CCNY: variants seen among roughly 807,000 people sequenced by gnomAD.
The protein encoded by CCNY is cyclin-Y.
Under a neutral mutation model 42.8 loss-of-function variants are expected in CCNY, and 19 were observed. That is an observed-to-expected ratio of 0.44 (90% CI 0.31 to 0.65). The LOEUF is 0.65. CCNY is among the 30% of genes least tolerant of loss of function. The pLI is 0.07. For synonymous variants in CCNY, 165 were observed against 162.7 expected, an observed-to-expected ratio of 1.01 and a Z score of -0.11; for missense variants, 370 against 437.3, an observed-to-expected ratio of 0.85 and a Z score of 1.37.
chr10:35,478,444 T>C (rs1232292405), intron 1 of CCNY, among the ~76,000 whole-genome samples: 9 of 149,232 alleles, frequency 6.0e-5, no homozygotes, highest in Non-Finnish European at 1.2e-4. Flanking sequence ...AACAGAGATA[T>C]AGATCAATGG....
intron 3 of CCNY, among the ~76,000 whole-genome samples, chr10:35,265,530 G>A (rs192834309): frequency 6.6e-6 from 1 of 152,322 alleles, no homozygotes; most frequent in East Asian, 1.9e-4. Context: ...GAGGCCTCTT[G>A]CCTGCAGTGA....
At chr10:35,400,920 C>T (rs1009933275) in intron 1 of CCNY, among the ~76,000 whole-genome samples, 4 of 152,160 alleles carry the variant, frequency 2.6e-5, no homozygotes, top group African/African-American at 9.7e-5. Context: ...GAACTATTAT[C>T]TTAATGCGCA....
rs557790561 is a variant in CCNY at position 35,393,190 on chromosome 10, C to T, written c.154+55983C>T. ...AAGTCTTCCTCACCATTTTAATAAG[C>T]GTCAGAGTAATTTTTTCTTTTACAC... On this transcript the variant is annotated intron_variant, in intron 1 of 9. Coordinates refer to ENST00000374704, the MANE Select transcript of CCNY (RefSeq NM_145012.6). Among the ~76,000 whole-genome samples, 25 of 152,264 alleles carry T rather than the reference C, an allele frequency of 1.6e-4. No homozygotes were observed. In the South Asian group the frequency reaches 4.6e-3, roughly 28 times the overall value.
chr10:35,547,677 C>G (rs879759354), intron 7 of CCNY, among the ~76,000 whole-genome samples: 9 of 152,188 alleles, frequency 5.9e-5, no homozygotes, highest in Non-Finnish European at 1.2e-4. Flanking sequence ...CCTTTCATAG[C>G]TCTTTCAAGA....
chr10:35,418,138 A>G (rs529894006), intron 1 of CCNY, among the ~76,000 whole-genome samples: 1 of 152,378 alleles, frequency 6.6e-6, no homozygotes, highest in East Asian at 1.9e-4. Context: ...GAGAGTTTAT[A>G]TAACAGAACT....
chr10:35,321,260 T>C (rs147976765), intron 3 of CCNY, among the ~76,000 whole-genome samples: 652 of 152,142 alleles, frequency 4.3e-3, no homozygotes, highest in Non-Finnish European at 7.1e-3. Context: ...CTGAATGTTA[T>C]GCTGAAAATT....
At chr10:35,488,297 G>A (rs1175284288) in intron 2 of CCNY, among the ~76,000 whole-genome samples, 2 of 152,202 alleles carry the variant, frequency 1.3e-5, no homozygotes, top group African/African-American at 4.8e-5. Context: ...CATTGGGGTC[G>A]TGTTTTGGTT....
chr10:35,503,321 T>G (rs979486309), intron 3 of CCNY, among the ~76,000 whole-genome samples: 6 of 152,198 alleles, frequency 3.9e-5, no homozygotes, highest in African/African-American at 1.4e-4. Flanking sequence ...TCTCTGCAAA[T>G]GCACCTGTTC....
Position 35,267,610 on chromosome 10 carries a change from T to C in CCNY, c.-9+16984T>C, listed in dbSNP as rs142460001. 3.5e-3 allele frequency among the ~76,000 whole-genome samples: 539 copies of C among 152,230 alleles called. 3 individuals are homozygous for C. Among genetic ancestry groups the C allele is most frequent in the Non-Finnish European group, 4.9e-3 (335 of 68,022 alleles). Reference sequence around the variant, plus strand: ...CAGAGGAGAGGTTCTGACAATGATATAGATGTAAAAGGAAGACGATGGGGC... The same window carrying C: ...CAGAGGAGAGGTTCTGACAATGATACAGATGTAAAAGGAAGACGATGGGGC... On this transcript the variant is annotated intron_variant, in intron 3 of 11. Coordinates refer to the CCNY transcript ENST00000374706.
At chr10:35,444,248 G>GC (rs1838740297) in intron 1 of CCNY, among the ~76,000 whole-genome samples, 1 of 145,676 alleles carries the variant, frequency 6.9e-6, no homozygotes, top group Non-Finnish European at 1.5e-5. Flanking sequence ...CTGTTTTTTG[G>GC]CTTTTTTTTT....
intron 8 of CCNY, among the ~76,000 whole-genome samples, chr10:35,560,012 G>A (rs1402689243): frequency 6.9e-6 from 1 of 145,810 alleles, no homozygotes; most frequent in Non-Finnish European, 1.5e-5. Flanking sequence ...GGAAGGAAAG[G>A]GGATGCCTGT....
intron 1 of CCNY, among the ~76,000 whole-genome samples, chr10:35,373,357 A>T (rs895053354): frequency 2.0e-5 from 3 of 152,196 alleles, no homozygotes; most frequent in Admixed American, 2.0e-4. Flanking sequence ...GCTGTCAGCA[A>T]TGGATTCCTT....
At chr10:35,496,616 T>G (rs1209293601) in intron 2 of CCNY, among the ~76,000 whole-genome samples, 1 of 152,118 alleles carries the variant, frequency 6.6e-6, no homozygotes, top group Non-Finnish European at 1.5e-5. Context: ...GAGGATTGCT[T>G]GAGCTCAGGA....
chr10:35,437,692 C>T (rs1589121323), intron 1 of CCNY, among the ~76,000 whole-genome samples: 1 of 151,966 alleles, frequency 6.6e-6, no homozygotes, highest in Non-Finnish European at 1.5e-5. Context: ...CCACCACCAC[C>T]TTTTCGATGA....
At chr10:35,294,081 C>A (rs1031039675) in intron 3 of CCNY, among the ~76,000 whole-genome samples, 8 of 152,162 alleles carry the variant, frequency 5.3e-5, no homozygotes, top group Non-Finnish European at 1.0e-4. Flanking sequence ...TGAGCCACTG[C>A]GTCTGGCACA....
At chr10:35,342,122 A>G (rs1836194509) in intron 1 of CCNY, among the ~76,000 whole-genome samples, 1 of 152,190 alleles carries the variant, frequency 6.6e-6, no homozygotes, top group South Asian at 2.1e-4. Context: ...ACTCATCCCA[A>G]GCAGCGGAGG....
At chr10:35,549,082 G>C (rs993607239) in intron 7 of CCNY, among the ~76,000 whole-genome samples, 1 of 150,424 alleles carries the variant, frequency 6.6e-6, no homozygotes, top group Non-Finnish European at 1.5e-5. Flanking sequence ...TGCCAACTCC[G>C]TGCCCCTCAC....
In CCNY at chr10:35,530,386, G is replaced by T; in HGVS notation, c.579+143G>T. Reference sequence around the variant, plus strand: ...CCGTGGCATAAGCTTCAGTGTTGTCGTTCTCCTGGGAGAATAGAGGATAGA... The same window carrying T: ...CCGTGGCATAAGCTTCAGTGTTGTCTTTCTCCTGGGAGAATAGAGGATAGA... On this transcript the variant is annotated intron_variant, in intron 7 of 9. Transcript: ENST00000374704. The surrounding 1 kb of genome is among the most constrained non-coding windows in gnomAD (Gnocchi z 4.3). 1 of 958,420 alleles carries T rather than the reference G, an allele frequency of 1.0e-6. No individual in the cohort carries two copies. Among genetic ancestry groups the T allele is most frequent in the Non-Finnish European group, 1.5e-6 (1 of 647,024 alleles). 59.4% of individuals were successfully genotyped at this position (958,420 alleles called of 1,614,324 possible).
At chr10:35,560,895 C>T (rs1416698369) in intron 8 of CCNY, among the ~76,000 whole-genome samples, 1 of 152,156 alleles carries the variant, frequency 6.6e-6, no homozygotes, top group Non-Finnish European at 1.5e-5. Context: ...CATGACTCCT[C>T]GGTAGCCCTT....
Sources: gnomAD v4.1 joint callset for allele counts (sites outside exome capture counted in the v4.1 genomes callset) on GRCh38, gnomAD v4.1.1 for gene constraint, Gnocchi (gnomAD v3.1) non-coding constraint, MANE v1.5 for transcripts, NCBI Gene and HGNC (gene_info 2026-07-23, HGNC 2026-07-21) for gene names.